Variants in NTM observed in about 807,000 individuals in gnomAD.
NTM encodes neurotrimin.
A neutral mutation model predicts 42.1 loss-of-function variants in NTM; 13 were observed. That is an observed-to-expected ratio of 0.31 (90% CI 0.20 to 0.49). The LOEUF (loss-of-function observed/expected upper bound fraction) is 0.49. Ranked by LOEUF, NTM falls within the 20% of genes least tolerant of loss-of-function variation. The pLI is 0.99. For missense variants in NTM, 373 were observed against 452.8 expected (o/e 0.82, Z 1.60); for synonymous variants, 187 against 179.2 (o/e 1.04, Z -0.35).
intron 1 of NTM, among the ~76,000 whole-genome samples, chr11:131,739,013 C>T (rs1200169733): frequency 1.3e-5 from 2 of 152,204 alleles, no homozygotes; most frequent in African/African-American, 4.8e-5. Context: ...TGTCACTGGC[C>T]CTGAGTGGCC....
intron 7 of NTM, among the ~76,000 whole-genome samples, chr11:132,319,866 C>A (rs538558329): frequency 6.6e-6 from 1 of 152,194 alleles, no homozygotes; most frequent in Non-Finnish European, 1.5e-5. Context: ...GAGGCACCCC[C>A]CAGTAGGGGC....
At chr11:131,495,440 C>T (rs1458481947) in intron 1 of NTM, among the ~76,000 whole-genome samples, 1 of 152,246 alleles carries the variant, frequency 6.6e-6, no homozygotes, top group Non-Finnish European at 1.5e-5. Flanking sequence ...GCCAGGAAAG[C>T]TCTGCACTGC....
rs1203016885 is a variant in NTM, at chr11:131,757,288, C to T, written c.83-154276C>T. Among the ~76,000 whole-genome samples the T allele has an allele frequency of 2.0e-5, 3 of 152,230 alleles. No homozygotes were observed. The East Asian group carries it at 5.8e-4, about 29-fold the overall frequency. ...ATGGAGATGTCCTGTCATTGCTAATCTCTGTGTAGTCTCATCATCTCTTTC... is the reference window on the plus strand; with the variant it reads ...ATGGAGATGTCCTGTCATTGCTAATTTCTGTGTAGTCTCATCATCTCTTTC... On this transcript the variant is annotated intron_variant, in intron 1 of 8. Coordinates refer to ENST00000683400, the MANE Select transcript of NTM (RefSeq NM_001352005.2).
chr11:131,432,135 A>G (rs1430843737), intron 1 of NTM, among the ~76,000 whole-genome samples: 2 of 152,244 alleles, frequency 1.3e-5, no homozygotes, highest in East Asian at 3.9e-4. Flanking sequence ...TTAATAGCAA[A>G]ATTGCAGACA....
At chr11:131,374,574 G>T in intron 1 of NTM, among the ~76,000 whole-genome samples, 1 of 152,270 alleles carries the variant, frequency 6.6e-6, no homozygotes, top group East Asian at 1.9e-4. Flanking sequence ...GGCGTCCTGC[G>T]TAGTGTCTTC....
At chr11:131,683,901 A>T (rs1302128017) in intron 1 of NTM, among the ~76,000 whole-genome samples, 1 of 152,074 alleles carries the variant, frequency 6.6e-6, no homozygotes, top group Non-Finnish European at 1.5e-5. Context: ...TGAGGCGCTG[A>T]TCTGCTGGAG....
chr11:131,947,406 G>A (rs367600981), intron 2 of NTM, among the ~76,000 whole-genome samples: 11 of 152,154 alleles, frequency 7.2e-5, no homozygotes, highest in East Asian at 3.9e-4. Context: ...CTAATTGTCC[G>A]GGAGTTCTGC....
chr11:131,601,258 G>T (rs1256162308), intron 1 of NTM, among the ~76,000 whole-genome samples: 1 of 152,174 alleles, frequency 6.6e-6, no homozygotes, highest in Non-Finnish European at 1.5e-5. Flanking sequence ...CCAGCAGGTG[G>T]TGTAGGAACT....
intron 4 of NTM, among the ~76,000 whole-genome samples, chr11:132,297,423 GT>G (rs2094654676): frequency 1.3e-5 from 2 of 152,132 alleles, no homozygotes; most frequent in South Asian, 4.1e-4. Flanking sequence ...CTCCTTCTAT[GT>G]GCAAGAAGCC....
intron 1 of NTM, chr11:131,795,020 T>A (rs1187957884): frequency 3.0e-6 from 3 of 984,454 alleles, no homozygotes; most frequent in Non-Finnish European, 3.6e-6. Flanking sequence ...CCGTGCTCCT[T>A]CCTGGACCCT....
rs373968310 is a variant in NTM, at chr11:132,257,214, C to T, written c.526+45067C>T. Among the ~76,000 whole-genome samples, 18 of 152,316 alleles carry T rather than the reference C, an allele frequency of 1.2e-4. No homozygotes were observed. In the East Asian group the frequency reaches 3.1e-3, roughly 26 times the overall value. On this transcript the variant is annotated intron_variant, in intron 4 of 8. Coordinates refer to ENST00000683400, the MANE Select transcript of NTM (RefSeq NM_001352005.2). ...CATGAGAAATGAATTAGGGCCTCTG[C>T]TGAGAGGGCATGGAGGAGAATCTTT... is the stretch of plus-strand genomic sequence containing the variant.
At chr11:132,228,265 C>T (rs1207026496) in intron 4 of NTM, among the ~76,000 whole-genome samples, 2 of 152,204 alleles carry the variant, frequency 1.3e-5, no homozygotes. Context: ...ATTCTGTGAA[C>T]ATCCCTGCTG....
In NTM at chr11:132,134,751, A is replaced by C. The variant is rs112121236; in HGVS notation, c.168-11531A>C. Among the ~76,000 whole-genome samples, 399 of 89,006 alleles carry C rather than the reference A, an allele frequency of 4.5e-3. 7 individuals are homozygous for C. The highest frequency in any genetic ancestry group is 6.0e-3 in the Non-Finnish European group (272 of 45,612). 58.4% of individuals were successfully genotyped at this position (89,006 alleles called of 152,430 possible). The stretch of plus-strand genomic sequence containing the variant: ...TATATATATATATATATATATATAT[A>C]TATATATATCTCACATTTTCTTTAT... On this transcript the variant is annotated intron_variant, in intron 2 of 8. Transcript: ENST00000683400.
In NTM at chr11:131,937,963, G is replaced by A. The variant is rs368144011; in HGVS notation, c.167+26315G>A. Among the ~76,000 whole-genome samples the A allele has an allele frequency of 6.6e-5, 10 of 152,238 alleles. No individual in the cohort carries two copies. The East Asian group carries it at 1.9e-3, about 29-fold the overall frequency. The stretch of plus-strand genomic sequence containing the variant: ...CTGAGCCAAGCCTGAAAATAATGTC[G>A]TTTGCTATGTCTGGATCCTAATAGG... On this transcript the variant is annotated intron_variant, in intron 2 of 8. Coordinates refer to ENST00000683400, the MANE Select transcript of NTM (RefSeq NM_001352005.2).
rs537126088 is a variant in NTM, at chr11:132,180,873, G to A, written c.401-31149G>A. Among the ~76,000 whole-genome samples, 20 of 152,174 alleles carry A rather than the reference G, an allele frequency of 1.3e-4. No individual in the cohort carries two copies. The South Asian group carries it at 3.1e-3, about 24-fold the overall frequency. On this transcript the variant is annotated intron_variant, in intron 3 of 8. Transcript: ENST00000683400. ...CTACTACCAGCCCCAGGCCAACATA[G>A]GCCCCTTCCTGGAAGAAGCTTCAGG...
At chr11:131,661,495 A>T (rs1398474536) in intron 1 of NTM, among the ~76,000 whole-genome samples, 6 of 152,142 alleles carry the variant, frequency 3.9e-5, no homozygotes, top group Non-Finnish European at 8.8e-5. Context: ...ATATTAAGAA[A>T]TTTTTACTTA....
chr11:131,750,197 G>T (rs1032178512), intron 1 of NTM, among the ~76,000 whole-genome samples: 8 of 152,224 alleles, frequency 5.3e-5, no homozygotes, highest in Admixed American at 1.3e-4. Flanking sequence ...TTTAGAGAGA[G>T]AACTCTTTTT....
At chr11:131,951,821 C>CAAAAA (rs11366451) in intron 2 of NTM, among the ~76,000 whole-genome samples, 2 of 70,150 alleles carry the variant, frequency 2.9e-5, no homozygotes, top group Non-Finnish European at 5.3e-5. Context: ...GACTCCGTCT[C>CAAAAA]AAAAAAAAAA....
chr11:131,380,347 A>G (rs1942509367), intron 1 of NTM, among the ~76,000 whole-genome samples: 1 of 151,692 alleles, frequency 6.6e-6, no homozygotes, highest in Non-Finnish European at 1.5e-5. Flanking sequence ...AGCTGGGATT[A>G]CAGGCATGTG....
Sources: gnomAD v4.1 joint callset for allele counts (sites outside exome capture counted in the v4.1 genomes callset) on GRCh38, gnomAD v4.1.1 for gene constraint, MANE v1.5 for transcripts, NCBI Gene and HGNC (gene_info 2026-07-23, HGNC 2026-07-21) for gene names.